The following FANCC variants were observed in gnomAD, a reference collection of about 807,000 sequenced individuals.
The protein encoded by FANCC is FA complementation group C.
A neutral mutation model predicts 71.3 loss-of-function variants in FANCC; 55 were observed. That is an observed-to-expected ratio of 0.77 (90% CI 0.62 to 0.97). FANCC has a LOEUF of 0.97. FANCC is among the 50% of genes least tolerant of loss of function. The pLI is 0.00. For missense variants in FANCC, 678 were observed against 670.9 expected (o/e 1.01, Z -0.12); for synonymous variants, 275 against 244.9 (o/e 1.12, Z -1.15).
intron 4 of FANCC, among the ~76,000 whole-genome samples, chr9:95,183,679 T>G (rs1336231476): frequency 6.6e-6 from 1 of 152,200 alleles, no homozygotes; most frequent in Non-Finnish European, 1.5e-5. Flanking sequence ...GATGATGTAC[T>G]TTCATTGGCT....
chr9:95,111,360 C>G (rs2134541748), intron 13 of FANCC, 103 bp downstream of exon 13: 1 of 1,597,908 alleles, frequency 6.3e-7, no homozygotes, highest in Non-Finnish European at 8.5e-7. Context: ...GGGCAGAGCT[C>G]AGGTGTCATG....
At chr9:95,130,254 A>C (rs1212065227) in intron 8 of FANCC, among the ~76,000 whole-genome samples, 1 of 152,100 alleles carries the variant, frequency 6.6e-6, no homozygotes, top group Non-Finnish European at 1.5e-5. Flanking sequence ...TCTCAGGAAG[A>C]AGCATTTCTT....
At chr9:95,164,508 A>G (rs1440630855) in intron 6 of FANCC, among the ~76,000 whole-genome samples, 4 of 152,122 alleles carry the variant, frequency 2.6e-5, no homozygotes, top group African/African-American at 7.2e-5. Context: ...AGGTTTTACC[A>G]TAAGTGAGTA....
chr9:95,263,211 C>CT (rs1051440995), intron 1 of FANCC, among the ~76,000 whole-genome samples: 3 of 152,150 alleles, frequency 2.0e-5, no homozygotes, highest in Non-Finnish European at 2.9e-5. Context: ...CATCCCTGCC[C>CT]TGCTGTCTCC....
chr9:95,195,174 G>A lies in FANCC; in HGVS notation c.346-23027C>T, dbSNP rs1339715242. 3.2e-5 allele frequency among the ~76,000 whole-genome samples: 4 copies of A among 126,060 alleles called. No individual in the cohort carries two copies. The East Asian group carries it at 8.1e-4, about 26-fold the overall frequency. The allele number at this position is 126,060 out of a possible 152,430, so 82.7% of individuals were successfully genotyped here. Reference sequence around the variant, plus strand: ...GATGGCGCCACTGCACTCCAGCCTGGCAACAGAGTGAGACTCCGTCTCAAA... The same window carrying A: ...GATGGCGCCACTGCACTCCAGCCTGACAACAGAGTGAGACTCCGTCTCAAA... On this transcript the variant is annotated intron_variant, in intron 4 of 14. Coordinates refer to ENST00000289081, the MANE Select transcript of FANCC (RefSeq NM_000136.3).
intron 14 of FANCC, among the ~76,000 whole-genome samples, chr9:95,105,158 C>T (rs1239214401): frequency 6.6e-6 from 1 of 152,230 alleles, no homozygotes; most frequent in Non-Finnish European, 1.5e-5. Context: ...TTAGCTGAGA[C>T]ACCAGCACCT....
intron 11 of FANCC, among the ~76,000 whole-genome samples, chr9:95,115,192 T>C (rs2072291413): frequency 1.3e-5 from 2 of 152,224 alleles, no homozygotes. Flanking sequence ...TCCTCCCGCC[T>C]TGGCCTCCCA....
In FANCC at chr9:95,111,653, A is replaced by C. The variant is rs1202931082; in HGVS notation, c.1155-16T>G. The C allele has an allele frequency of 8.7e-6, 14 of 1,613,998 alleles. No homozygotes were observed. Among genetic ancestry groups the C allele is most frequent in the Middle Eastern group, 1.6e-4 (1 of 6,084 alleles). ...TCCGCAGGACCTGGAACAGAGGCAG[A>C]ACACATGGCAGTTGACAACCTAAAT... On this transcript the variant is annotated splice_polypyrimidine_tract_variant and intron_variant, in intron 12 of 14. Transcript: ENST00000289081.
At chr9:95,252,749 A>G (rs1333407611) in intron 1 of FANCC, among the ~76,000 whole-genome samples, 4 of 150,496 alleles carry the variant, frequency 2.7e-5, no homozygotes, top group Non-Finnish European at 5.9e-5. Context: ...TGTCTCAAAA[A>G]AAAAAAAAAA....
intron 1 of FANCC, among the ~76,000 whole-genome samples, chr9:95,279,189 A>G (rs965615982): frequency 6.6e-6 from 1 of 152,040 alleles, no homozygotes; most frequent in Non-Finnish European, 1.5e-5. Context: ...ATGGTGGTGC[A>G]TGCTTGCAGT....
intron 12 of FANCC, 155 bp downstream of exon 12, chr9:95,114,474 G>A (rs1000037776): frequency 1.1e-5 from 8 of 759,312 alleles, no homozygotes; most frequent in South Asian, 1.4e-5. Flanking sequence ...GCAGCCATGC[G>A]CTTCCTCCAC....
intron 4 of FANCC, among the ~76,000 whole-genome samples, chr9:95,189,268 C>T (rs891963998): frequency 2.6e-5 from 4 of 151,988 alleles, no homozygotes; most frequent in Admixed American, 6.6e-5. Flanking sequence ...AACCTAACTG[C>T]CCTGGTATTT....
At chr9:95,116,539 T>C (rs761317390) in intron 11 of FANCC, among the ~76,000 whole-genome samples, 4 of 152,200 alleles carry the variant, frequency 2.6e-5, no homozygotes, top group Non-Finnish European at 4.4e-5. Context: ...AAAAAGGAAA[T>C]GTGACTGGCT....
At chr9:95,305,908 A>G (rs1228121869) in intron 1 of FANCC, among the ~76,000 whole-genome samples, 1 of 152,168 alleles carries the variant, frequency 6.6e-6, no homozygotes, top group Non-Finnish European at 1.5e-5. Flanking sequence ...ATGTTATGAA[A>G]ACTGGGTCTG....
intron 10 of FANCC, among the ~76,000 whole-genome samples, chr9:95,121,429 G>A (rs2072871561): frequency 6.6e-6 from 1 of 152,214 alleles, no homozygotes; most frequent in Non-Finnish European, 1.5e-5. Context: ...ACTGTTGCAG[G>A]AAGTGCAGAT....
intron 4 of FANCC, among the ~76,000 whole-genome samples, chr9:95,182,855 A>C (rs1324712265): frequency 6.6e-6 from 1 of 152,160 alleles, no homozygotes; most frequent in Non-Finnish European, 1.5e-5. Flanking sequence ...AGGGGAAGAC[A>C]GAAAGAATGC....
chr9:95,245,354 G>A (rs939480077), intron 3 of FANCC, among the ~76,000 whole-genome samples: 1 of 151,872 alleles, frequency 6.6e-6, no homozygotes, highest in East Asian at 2.0e-4. Flanking sequence ...TAATACAATA[G>A]TCCCTCTTTA....
At chr9:95,190,143 A>G (rs978430371) in intron 4 of FANCC, among the ~76,000 whole-genome samples, 46 of 151,980 alleles carry the variant, frequency 3.0e-4, no homozygotes, top group African/African-American at 1.0e-3. Flanking sequence ...CAATTTAACC[A>G]ATTTACAAGC....
chr9:95,230,246 C>A (rs987124897), intron 4 of FANCC, among the ~76,000 whole-genome samples: 2 of 152,164 alleles, frequency 1.3e-5, no homozygotes, highest in African/African-American at 2.4e-5. Context: ...CGGTGTAGTG[C>A]GGCTGCAGTG....
Sources: gnomAD v4.1 joint callset for allele counts (sites outside exome capture counted in the v4.1 genomes callset) on GRCh38, gnomAD v4.1.1 for gene constraint, MANE v1.5 for transcripts, NCBI Gene and HGNC (gene_info 2026-07-23, HGNC 2026-07-21) for gene names.